Variants in RNF139 observed in about 807,000 individuals in gnomAD.
The protein encoded by RNF139 is E3 ubiquitin-protein ligase RNF139.
In RNF139, 15 loss-of-function variants were observed where a neutral mutation model predicts 49.5. The observed-to-expected ratio is 0.30, with a 90% CI of 0.20 to 0.47. The LOEUF is 0.47. Among genes scored for constraint, RNF139 ranks in the 20% least tolerant of loss-of-function variants. RNF139 has a pLI of 1.00. For missense variants in RNF139, 619 were observed against 806.3 expected (o/e 0.77, Z 2.81); for synonymous variants, 325 against 300.9 (o/e 1.08, Z -0.83).
intron 1 of RNF139, among the ~76,000 whole-genome samples, chr8:124,480,404 T>TA (rs34661621): frequency 0.1 from 9,028 of 88,958 alleles, 428 homozygotes; most frequent in East Asian, 0.2. Flanking sequence ...ACTCCATCAC[T>TA]AAAAAAAAAA....
In RNF139 at chr8:124,486,569, T is replaced by G; in HGVS notation, c.920T>G (p.Leu307Arg). 6.2e-7 allele frequency: 1 copy of G among 1,614,084 alleles called. No individual in the cohort carries two copies. Among genetic ancestry groups the G allele is most frequent in the Non-Finnish European group, 8.5e-7 (1 of 1,180,038 alleles). Residue 307 changes from leucine (L) to arginine (R), a missense_variant, in exon 2 of 2, where the codon CTT (leucine) becomes CGT (arginine). Around this residue, in one of 2 missense-constraint regions of RNF139, gnomAD observed 530 missense variants for 728.9 expected, o/e 0.73. Coordinates refer to ENST00000303545, the MANE Select transcript of RNF139 (RefSeq NM_007218.4). ...TCCTCAGTAGCCCATTATTTGGGGC[T>G]TGGAATATTGGCCTTTATTGGATCA... Reference protein sequence around the residue: ...VISSVAHYLGLGILAFIGSTE... With the variant: ...VISSVAHYLGRGILAFIGSTE...
At position 124,485,988 on chromosome 8, in the gene RNF139, T is replaced by C. The variant is rs36072676; in HGVS notation, c.339T>C (p.Ala113=). ...TCTATGGTGCCTACAACACGTCAGC[T>C]TTTGGAATTGAGCTGCTTCCTCGAA... ...IDFYGAYNTS[A]FGIELLPRKG... The change falls in exon 2 of 2, where the codon GCT becomes GCC. Residue 113 remains alanine, a synonymous_variant. Transcript: ENST00000303545. The C allele has an allele frequency of 5.5e-5, 88 of 1,614,106 alleles. No individual in the cohort carries two copies. The African/African-American group carries it at 1.1e-3, about 20-fold the overall frequency.
At position 124,486,684 on chromosome 8, in the gene RNF139, A is replaced by G. The variant is rs368458769; in HGVS notation, c.1035A>G (p.Pro345=). The G allele has an allele frequency of 1.4e-5, 23 of 1,614,186 alleles. No homozygotes were observed. In the African/African-American group the frequency reaches 2.5e-4, roughly 18 times the overall value. The stretch of plus-strand genomic sequence containing the variant: ...AGACTGGGTTAAGTGGGCTAAGACC[A>G]GAAGAGAGACTTATTCGCTTAAGTA... The part of the protein sequence containing the change: ...ALQTGLSGLR[P]EERLIRLSRN... Residue 345 remains proline (P), a synonymous_variant, in exon 2 of 2, where the codon CCA becomes CCG. Transcript: ENST00000303545.
rs148121312 is a variant in RNF139, at chr8:124,486,042, C to T, written c.393C>T (p.Ile131=). 1.1e-4 allele frequency: 184 copies of T among 1,614,126 alleles called. 1 individual carries two copies. In the South Asian group the frequency reaches 1.8e-3, roughly 16 times the overall value. The change falls in exon 2 of 2, where the codon ATC becomes ATT. Residue 131 remains isoleucine, a synonymous_variant. Coordinates refer to ENST00000303545, the MANE Select transcript of RNF139 (RefSeq NM_007218.4). ...RKGPSLWMAL[I]VLQLTFGIGY... is the part of the protein sequence containing the mutation. ...GTCCCTCGCTGTGGATGGCACTTAT[C>T]GTTCTACAGCTAACATTTGGAATTG...
chr8:124,483,540 T>G (rs1409130739), intron 1 of RNF139: 1 of 152,110 alleles, frequency 6.6e-6, no homozygotes, highest in Non-Finnish European at 1.5e-5. Flanking sequence ...GTTCAAGCGA[T>G]TCTCCCACCT....
chr8:124,484,221 A>T (rs1320899938), intron 1 of RNF139, among the ~76,000 whole-genome samples: 1 of 152,166 alleles, frequency 6.6e-6, no homozygotes, highest in Non-Finnish European at 1.5e-5. Flanking sequence ...AGTCTGGAGC[A>T]CTGATGTGTG....
chr8:124,478,708 T>C (rs1328108350), intron 1 of RNF139, among the ~76,000 whole-genome samples: 2 of 151,776 alleles, frequency 1.3e-5, no homozygotes, highest in African/African-American at 4.8e-5. Context: ...GGTAAATTTA[T>C]ACAATTTTGG....
intron 1 of RNF139, among the ~76,000 whole-genome samples, chr8:124,476,803 C>T (rs913968882): frequency 6.6e-6 from 1 of 152,190 alleles, no homozygotes; most frequent in African/African-American, 2.4e-5. Context: ...GGACCTGGTG[C>T]TTTAATGCAG....
At chr8:124,483,055 A>ATATTTAAATATATATATAT (rs1554601216) in intron 1 of RNF139, among the ~76,000 whole-genome samples, 1 of 8,390 alleles carries the variant, frequency 1.2e-4, no homozygotes, top group Non-Finnish European at 2.1e-4. Context: ...AAATATATCT[A>ATATTTAAATATATATATAT]TTAAAAATAT....
Position 124,485,841 on chromosome 8 carries a change from A to G in RNF139, c.192A>G (p.Ala64=). 6.3e-7 allele frequency: 1 copy of G among 1,598,340 alleles called. No individual in the cohort carries two copies. Among genetic ancestry groups the G allele is most frequent in the East Asian group, 2.2e-5 (1 of 44,480 alleles). Residue 64 remains alanine, a synonymous_variant, in exon 2 of 2, where the codon GCA becomes GCG. Coordinates refer to ENST00000303545, the MANE Select transcript of RNF139 (RefSeq NM_007218.4). The part of the protein sequence containing the change: ...QIFLRLFGVF[A]SSIVLILSQR... ...CTTTCTTTCTTTTAGGTGTATTTGC[A>G]TCCAGTATTGTTCTGATCTTGTCAC...
intron 1 of RNF139, among the ~76,000 whole-genome samples, chr8:124,477,738 ACT>A (rs774749305): frequency 4.5e-4 from 69 of 152,218 alleles, no homozygotes; most frequent in Non-Finnish European, 9.1e-4. Context: ...ACTAAACGAA[ACT>A]CAACCCAGAG....
Position 124,486,114 on chromosome 8 carries a change from T to G in RNF139, c.465T>G (p.Ile155Met). ...TTCATTCCATCTATTCACAATTAAT[T>G]ATTTTGGATCTCTTGGTTCCTGTAA... ...LQIHSIYSQL[I>M]ILDLLVPVIG... Residue 155 changes from isoleucine (I) to methionine (M), a missense_variant, in exon 2 of 2, where the codon ATT becomes ATG. Transcript: ENST00000303545. 6.2e-7 allele frequency: 1 copy of G among 1,614,178 alleles called. No individual in the cohort carries two copies. The highest frequency in any genetic ancestry group is 8.5e-7 in the Non-Finnish European group (1 of 1,179,996).
intron 1 of RNF139, among the ~76,000 whole-genome samples, chr8:124,485,326 T>C (rs893757444): frequency 1.3e-5 from 2 of 152,196 alleles, no homozygotes; most frequent in African/African-American, 4.8e-5. Context: ...ATTGCACCAG[T>C]GCACTCCATC....
chr8:124,487,850 T>G lies in RNF139; in HGVS notation c.*206T>G, dbSNP rs1350166841. On this transcript the variant is annotated 3_prime_UTR_variant, in exon 2 of 2. Coordinates refer to ENST00000303545, the MANE Select transcript of RNF139 (RefSeq NM_007218.4). ...GGTCTCTTTGGTGACCTGTTTAAAT[T>G]TGTGTACATTATTGTACATAGAATA... 8 of 530,830 alleles carry G rather than the reference T, an allele frequency of 1.5e-5. No homozygotes were observed. Among genetic ancestry groups the G allele is most frequent in the Middle Eastern group, 9.7e-4 (2 of 2,054 alleles). 32.9% of individuals were successfully genotyped at this position (530,830 alleles called of 1,614,324 possible).
intron 1 of RNF139, among the ~76,000 whole-genome samples, chr8:124,481,780 A>G (rs779746111): frequency 1.3e-5 from 2 of 152,134 alleles, no homozygotes; most frequent in Admixed American, 6.5e-5. Flanking sequence ...CTGGACTTTT[A>G]TATTTTCTTA....
chr8:124,482,990 TTA>T (rs1412124632), intron 1 of RNF139, among the ~76,000 whole-genome samples: 1 of 95,110 alleles, frequency 1.1e-5, no homozygotes, highest in African/African-American at 4.8e-5. Context: ...ATATATATAT[TTA>T]AAAATATATA....
At chr8:124,482,879 T>TTG (rs1816440573) in intron 1 of RNF139, among the ~76,000 whole-genome samples, 2 of 142,344 alleles carry the variant, frequency 1.4e-5, no homozygotes, top group African/African-American at 5.3e-5. Flanking sequence ...TGAGCCAAGA[T>TTG]CACGCCATTG....
chr8:124,488,467 G>GCGT lies in RNF139; in HGVS notation c.*823_*824insCGT. 2.0e-6 allele frequency: 1 copy of GCGT among 498,274 alleles called. No homozygotes were observed. The highest frequency in any genetic ancestry group is 3.9e-5 in the South Asian group (1 of 25,850). 30.9% of individuals were successfully genotyped at this position (498,274 alleles called of 1,614,324 possible). A position where few individuals can be genotyped will look rare whatever the true frequency, so the allele number is the denominator to read the frequency against. On this transcript the variant is annotated 3_prime_UTR_variant, in exon 2 of 2. Transcript: ENST00000303545. Reference sequence around the variant, plus strand: ...TACGAGAAAAAGAAGGGGAATGGTGGGGAATGGTGTGTACCGATATATAGT... The same window carrying GCGT: ...TACGAGAAAAAGAAGGGGAATGGTGGCGTGGAATGGTGTGTACCGATATATAGT...
intron 1 of RNF139, among the ~76,000 whole-genome samples, chr8:124,478,889 A>T (rs957602083): frequency 1.4e-5 from 2 of 147,640 alleles, no homozygotes; most frequent in Non-Finnish European, 3.0e-5. Context: ...CCCCCGGCAA[A>T]TTTTTTTCTA....
Sources: gnomAD v4.1 joint callset for allele counts (sites outside exome capture counted in the v4.1 genomes callset) on GRCh38, gnomAD v4.1.1 for gene constraint, gnomAD v4.1.1 regional missense constraint, MANE v1.5 for transcripts, NCBI Gene and HGNC (gene_info 2026-07-23, HGNC 2026-07-21) for gene names.